CCND3: variants seen among roughly 807,000 people sequenced by gnomAD.
CCND3 encodes the protein G1/S-specific cyclin-D3.
A neutral mutation model predicts 28.7 loss-of-function variants in CCND3; 9 were observed. The ratio of observed to expected loss-of-function variants is 0.31; its 90% confidence interval spans 0.19 to 0.55. CCND3 has a LOEUF of 0.55. Among genes scored for constraint, CCND3 ranks in the 20% least tolerant of loss-of-function variants. CCND3 has a pLI of 0.93. For synonymous variants in CCND3, 164 were observed against 163.9 expected, an observed-to-expected ratio of 1.00 and a Z score of 0.00; for missense variants, 315 against 385.8, an observed-to-expected ratio of 0.82 and a Z score of 1.54.
At chr6:42,001,066 T>C (rs1762995815) in intron 1 of CCND3, among the ~76,000 whole-genome samples, 1 of 151,176 alleles carries the variant, frequency 6.6e-6, no homozygotes, top group Non-Finnish European at 1.5e-5. Context: ...TGAAACCCCA[T>C]CTCTACTAAA....
In CCND3 at chr6:41,936,078, G is replaced by C. The variant is rs147958536; in HGVS notation, c.741C>G (p.Ile247Met). ...VDCLRACQEQ[I>M]EAALRESLRE... Reference sequence around the variant, plus strand: ...TGAGGCTCTCCCTGAGTGCAGCTTCGATCTGCTCCTGACAGGCCCGCAGGC... The same window carrying C: ...TGAGGCTCTCCCTGAGTGCAGCTTCCATCTGCTCCTGACAGGCCCGCAGGC... The change falls in exon 5 of 5, where the codon ATC becomes ATG. Residue 247 changes from isoleucine (I) to methionine (M), a missense_variant. Ile to Met is a conservative substitution (Grantham distance 10, BLOSUM62 1). Coordinates refer to ENST00000372991, the MANE Select transcript of CCND3 (RefSeq NM_001760.5). This position sits in a 1 kb window ranked among gnomAD's most constrained non-coding sequence, Gnocchi z 4.4. 14 of 1,608,324 alleles carry C rather than the reference G, an allele frequency of 8.7e-6. No individual in the cohort carries two copies. Among genetic ancestry groups the C allele is most frequent in the Non-Finnish European group, 1.2e-5 (14 of 1,176,910 alleles).
In CCND3 at chr6:41,941,700, G is replaced by A. The variant is rs1051129; in HGVS notation, c.-51C>T. ...GGAGTGCGGGCTCGCGAGTCCCAAG[G>A]CAGGCGACGGGCCGGAGAGCGCGGG... On this transcript the variant is annotated 5_prime_UTR_variant, in exon 1 of 5. Coordinates refer to ENST00000372991, the MANE Select transcript of CCND3 (RefSeq NM_001760.5). The surrounding 1 kb of genome is among the most constrained non-coding windows in gnomAD (Gnocchi z 6.1). 0.047 allele frequency: 59,661 copies of A among 1,256,142 alleles called. 1,570 individuals carry two copies. The highest frequency in any genetic ancestry group is 0.068 in the South Asian group (3,156 of 46,148). 77.8% of individuals were successfully genotyped at this position (1,256,142 alleles called of 1,614,324 possible). A position where few individuals can be genotyped will look rare whatever the true frequency, so the allele number is the denominator to read the frequency against.
intron 1 of CCND3, among the ~76,000 whole-genome samples, chr6:42,026,778 G>A (rs569603919): frequency 6.6e-6 from 1 of 152,130 alleles, no homozygotes; most frequent in Non-Finnish European, 1.5e-5. Flanking sequence ...GAAAAGGAAG[G>A]GCAGTGCCTT....
chr6:42,037,956 G>A (rs573776469), intron 1 of CCND3, among the ~76,000 whole-genome samples: 48 of 151,216 alleles, frequency 3.2e-4, no homozygotes, highest in Middle Eastern at 3.4e-3. Flanking sequence ...GCTTGAACCC[G>A]GGAGGCGGAG....
intron 1 of CCND3, among the ~76,000 whole-genome samples, chr6:42,006,103 G>A (rs546724495): frequency 6.9e-4 from 105 of 151,844 alleles, no homozygotes; most frequent in Non-Finnish European, 1.4e-3. Flanking sequence ...AGAGCTCAAG[G>A]CTACAGTGAG....
intron 1 of CCND3, among the ~76,000 whole-genome samples, chr6:42,019,696 G>C (rs1221247716): frequency 6.6e-6 from 1 of 151,944 alleles, no homozygotes; most frequent in African/African-American, 2.4e-5. Flanking sequence ...CTGAGGGATA[G>C]GACTTAATGA....
intron 1 of CCND3, among the ~76,000 whole-genome samples, chr6:41,991,465 A>G (rs895741323): frequency 6.6e-6 from 1 of 152,162 alleles, no homozygotes; most frequent in Non-Finnish European, 1.5e-5. Flanking sequence ...GTATAATTGT[A>G]TTTTTTAATT....
chr6:42,035,701 G>A (rs111232236), intron 1 of CCND3, among the ~76,000 whole-genome samples: 2,316 of 137,288 alleles, frequency 0.017, 65 homozygotes, highest in East Asian at 0.051. Context: ...TTTTTGAGCC[G>A]GAGTCTCACT....
rs1298384565 is a variant in CCND3 at position 41,941,551 on chromosome 6, G to A, written c.99C>T (p.Arg33=). The change falls in exon 1 of 5, where the codon CGC becomes CGT. Residue 33 remains arginine, a synonymous_variant. Coordinates refer to ENST00000372991, the MANE Select transcript of CCND3 (RefSeq NM_001760.5). This position sits in a 1 kb window ranked among gnomAD's most constrained non-coding sequence, Gnocchi z 6.1. ...GDQRVLQSLL[R]LEERYVPRAS... ...CGCGGGGTACGTAGCGCTCCTCCAG[G>A]CGGAGCAGGCTCTGCAGGACACGCT... 1.3e-6 allele frequency: 2 copies of A among 1,593,742 alleles called. No homozygotes were observed. The highest frequency in any genetic ancestry group is 1.7e-6 in the Non-Finnish European group (2 of 1,172,850).
At chr6:41,951,566 AC>A (rs1446721699) in intron 1 of CCND3, among the ~76,000 whole-genome samples, 15,949 of 99,200 alleles carry the variant, frequency 0.16, 2,778 homozygotes, top group Non-Finnish European at 0.23. Flanking sequence ...ACACACACAC[AC>A]ACACACACAA....
At chr6:41,947,617 A>G (rs1776202168) in intron 1 of CCND3, among the ~76,000 whole-genome samples, 1 of 151,756 alleles carries the variant, frequency 6.6e-6, no homozygotes, top group Non-Finnish European at 1.5e-5. Flanking sequence ...TCCAAAATCT[A>G]CTCTTTTTTT....
chr6:42,020,136 G>A (rs906678612), intron 1 of CCND3, among the ~76,000 whole-genome samples: 5 of 152,072 alleles, frequency 3.3e-5, no homozygotes, highest in African/African-American at 4.8e-5. Context: ...AAAATTAGCC[G>A]AGCATGGTGG....
intron 1 of CCND3, among the ~76,000 whole-genome samples, chr6:42,006,157 C>A (rs1763169378): frequency 6.6e-6 from 1 of 151,606 alleles, no homozygotes; most frequent in Non-Finnish European, 1.5e-5. Context: ...CAGACCAAGA[C>A]CCTGTCTTAA....
At chr6:41,952,024 C>G (rs372555414) in intron 1 of CCND3, among the ~76,000 whole-genome samples, 3 of 152,130 alleles carry the variant, frequency 2.0e-5, no homozygotes, top group East Asian at 1.9e-4. Context: ...GGCCTCCCAA[C>G]GTGCTGGGAT....
intron 1 of CCND3, among the ~76,000 whole-genome samples, chr6:41,971,781 G>T (rs1431177467): frequency 6.7e-6 from 1 of 150,072 alleles, no homozygotes. Context: ...GTCATGATCC[G>T]CCCGCCTCGG....
intron 1 of CCND3, among the ~76,000 whole-genome samples, chr6:41,948,482 T>G (rs1054597267): frequency 6.6e-6 from 1 of 151,992 alleles, no homozygotes; most frequent in Non-Finnish European, 1.5e-5. Flanking sequence ...ACTATAGGCG[T>G]GCACTACCAC....
At chr6:42,018,065 C>T (rs1284468769) in intron 1 of CCND3, among the ~76,000 whole-genome samples, 1 of 151,920 alleles carries the variant, frequency 6.6e-6, no homozygotes, top group Non-Finnish European at 1.5e-5. Context: ...AGGAGAATCC[C>T]TTGAACCTGG....
intron 1 of CCND3, among the ~76,000 whole-genome samples, chr6:42,024,480 A>G (rs1211766331): frequency 6.6e-6 from 1 of 151,938 alleles, no homozygotes; most frequent in African/African-American, 2.4e-5. Flanking sequence ...ATGCGCCTCC[A>G]GTGACATGGA....
At chr6:42,039,067 T>G (rs1409388552) in intron 1 of CCND3, among the ~76,000 whole-genome samples, 1 of 152,218 alleles carries the variant, frequency 6.6e-6, no homozygotes, top group African/African-American at 2.4e-5. Context: ...ACTATTTATA[T>G]GATGTGATCC....
Sources: allele counts gnomAD v4.1 joint callset (sites outside exome capture counted in the v4.1 genomes callset), GRCh38; gene constraint gnomAD v4.1.1; non-coding constraint Gnocchi (gnomAD v3.1); transcripts MANE v1.5; gene names NCBI Gene and HGNC (gene_info 2026-07-23, HGNC 2026-07-21).